The following UGT8 variants were observed in gnomAD, a reference collection of about 807,000 sequenced individuals.
UGT8 encodes UDP glycosyltransferase 8.
UGT8 carries 12 observed loss-of-function variants against 40.5 expected under a neutral mutation model. The observed-to-expected ratio is 0.30, with a 90% CI of 0.19 to 0.48. The LOEUF is 0.48. Ranked by LOEUF, UGT8 falls within the 20% of genes least tolerant of loss-of-function variation. UGT8 has a pLI of 0.99. For synonymous variants in UGT8, 224 were observed against 240.4 expected, an observed-to-expected ratio of 0.93 and a Z score of 0.63; for missense variants, 513 against 648.7, an observed-to-expected ratio of 0.79 and a Z score of 2.27.
chr4:114,661,485 G>A (rs768061494), intron 2 of UGT8, among the ~76,000 whole-genome samples: 1 of 152,128 alleles, frequency 6.6e-6, no homozygotes, highest in Non-Finnish European at 1.5e-5. Flanking sequence ...AAGTTTTGCC[G>A]TGAGTTCAGC....
chr4:114,611,597 A>C (rs1204640812), intron 1 of UGT8, among the ~76,000 whole-genome samples: 1 of 148,818 alleles, frequency 6.7e-6, no homozygotes, highest in Non-Finnish European at 1.5e-5. Context: ...TTACCTGTAT[A>C]ATCATAGATA....
chr4:114,647,068 CA>C (rs1433278596), intron 2 of UGT8, among the ~76,000 whole-genome samples: 4 of 152,164 alleles, frequency 2.6e-5, no homozygotes, highest in Admixed American at 2.6e-4. Flanking sequence ...AACAGATTGA[CA>C]ATTTCAGTGG....
chr4:114,603,494 A>C (rs1730560724), intron 1 of UGT8, among the ~76,000 whole-genome samples: 1 of 152,144 alleles, frequency 6.6e-6, no homozygotes, highest in Non-Finnish European at 1.5e-5. Context: ...GAGAAATAGG[A>C]AGCAATAAAG....
intron 5 of UGT8, among the ~76,000 whole-genome samples, chr4:114,673,589 C>T (rs957896673): frequency 8.5e-5 from 13 of 152,248 alleles, no homozygotes; most frequent in Admixed American, 6.5e-4. Context: ...TGAGATTTTC[C>T]ATTAAAGCAT....
chr4:114,631,020 C>G (rs563769809), intron 2 of UGT8, among the ~76,000 whole-genome samples: 15 of 152,290 alleles, frequency 9.8e-5, no homozygotes, highest in African/African-American at 3.4e-4. Context: ...CCTCCACACT[C>G]AGACCCTGAA....
At chr4:114,641,010 C>T (rs968668356) in intron 2 of UGT8, among the ~76,000 whole-genome samples, 3 of 152,062 alleles carry the variant, frequency 2.0e-5, no homozygotes, top group South Asian at 2.1e-4. Flanking sequence ...TCATTGTTAT[C>T]GGTCATAGAG....
At chr4:114,649,693 C>T (rs1429625618) in intron 2 of UGT8, among the ~76,000 whole-genome samples, 2 of 152,074 alleles carry the variant, frequency 1.3e-5, no homozygotes, top group Admixed American at 1.3e-4. Context: ...TCAGCTAAGA[C>T]TAGAAAATGT....
intron 2 of UGT8, among the ~76,000 whole-genome samples, chr4:114,645,962 G>A (rs1733544192): frequency 6.6e-6 from 1 of 152,156 alleles, no homozygotes; most frequent in Non-Finnish European, 1.5e-5. Context: ...TTTTAAGCAG[G>A]AAGTCAGATG....
chr4:114,642,243 AGATAGT>A (rs1733270738), intron 2 of UGT8, among the ~76,000 whole-genome samples: 3 of 151,674 alleles, frequency 2.0e-5, no homozygotes, highest in Non-Finnish European at 4.4e-5. Flanking sequence ...TATATCTTTG[AGATAGT>A]GGGACTTTCT....
At chr4:114,640,099 C>T (rs1479400364) in intron 2 of UGT8, among the ~76,000 whole-genome samples, 4 of 148,220 alleles carry the variant, frequency 2.7e-5, no homozygotes, top group East Asian at 2.0e-4. Flanking sequence ...GGCGCGATCT[C>T]GGCTCACTGC....
chr4:114,664,230 C>T (rs1734722480), intron 3 of UGT8, 93 bp downstream of exon 3: 1 of 1,391,854 alleles, frequency 7.2e-7, no homozygotes, highest in Admixed American at 2.0e-5. Flanking sequence ...CACATTGTTT[C>T]CCTGACAAGA....
chr4:114,616,312 C>T (rs557541513), intron 1 of UGT8, among the ~76,000 whole-genome samples: 86 of 152,278 alleles, frequency 5.6e-4, no homozygotes, highest in African/African-American at 2.0e-3. Context: ...GGCGCCCCTC[C>T]CCTAGCCTCA....
At chr4:114,621,205 G>A (rs1253883052) in intron 1 of UGT8, among the ~76,000 whole-genome samples, 2 of 152,270 alleles carry the variant, frequency 1.3e-5, no homozygotes, top group Middle Eastern at 3.4e-3. Flanking sequence ...CCTCTGACTT[G>A]ACATTTGCAC....
intron 2 of UGT8, chr4:114,656,765 A>C (rs1183679970): frequency 1.9e-6 from 1 of 520,432 alleles, no homozygotes; most frequent in African/African-American, 1.9e-5. Context: ...TATTTGGGGG[A>C]GTGAAGAGTA....
chr4:114,673,001 A>G (rs986482117), intron 5 of UGT8, among the ~76,000 whole-genome samples: 3 of 152,202 alleles, frequency 2.0e-5, no homozygotes, highest in Non-Finnish European at 2.9e-5. Flanking sequence ...AGAATCGATC[A>G]TTATTAACTT....
At chr4:114,635,382 T>A (rs1262395725) in intron 2 of UGT8, among the ~76,000 whole-genome samples, 11 of 152,106 alleles carry the variant, frequency 7.2e-5, no homozygotes, top group Admixed American at 7.2e-4. Flanking sequence ...ACCATATTAT[T>A]TGATTTTGTA....
chr4:114,673,996 T>C (rs1422804296), intron 5 of UGT8, among the ~76,000 whole-genome samples: 1 of 152,236 alleles, frequency 6.6e-6, no homozygotes, highest in Non-Finnish European at 1.5e-5. Context: ...CATACTTTTA[T>C]GTAATAGCCT....
intron 1 of UGT8, among the ~76,000 whole-genome samples, chr4:114,621,290 C>T (rs1241635711): frequency 1.3e-5 from 2 of 152,152 alleles, no homozygotes; most frequent in Non-Finnish European, 2.9e-5. Flanking sequence ...TAAGTATTTA[C>T]TGAGATCCAT....
intron 2 of UGT8, among the ~76,000 whole-genome samples, chr4:114,625,508 C>CT (rs1732152539): frequency 4.5e-5 from 1 of 22,214 alleles, no homozygotes; most frequent in Non-Finnish European, 1.6e-4. Context: ...GAGACCCTGT[C>CT]TAAAAAAAAA....
Sources: gnomAD v4.1 joint callset for allele counts (sites outside exome capture counted in the v4.1 genomes callset) on GRCh38, gnomAD v4.1.1 for gene constraint, MANE v1.5 for transcripts, NCBI Gene and HGNC (gene_info 2026-07-23, HGNC 2026-07-21) for gene names.